Variants in DOCK4 observed in about 807,000 individuals in gnomAD.
The protein encoded by DOCK4 is dedicator of cytokinesis protein 4.
In DOCK4, 97 loss-of-function variants were observed where a neutral mutation model predicts 268.1. The observed-to-expected ratio is 0.36, with a 90% CI of 0.31 to 0.43. The LOEUF (loss-of-function observed/expected upper bound fraction) is 0.43. DOCK4 is among the 20% of genes least tolerant of loss of function. DOCK4 has a pLI of 1.00. For synonymous variants in DOCK4, 954 were observed against 887.2 expected, an observed-to-expected ratio of 1.08 and a Z score of -1.34; for missense variants, 2,145 against 2,455.7, an observed-to-expected ratio of 0.87 and a Z score of 2.67.
At chr7:112,090,626 T>C (rs1023451509) in intron 1 of DOCK4, among the ~76,000 whole-genome samples, 2 of 152,204 alleles carry the variant, frequency 1.3e-5, no homozygotes, top group Non-Finnish European at 2.9e-5. Flanking sequence ...AGGTTAAATA[T>C]ACAAGCTCAT....
intron 1 of DOCK4, among the ~76,000 whole-genome samples, chr7:112,079,117 A>C (rs966457245): frequency 6.6e-6 from 1 of 152,192 alleles, no homozygotes. Context: ...ACAGAGCGAG[A>C]CTCTGTCTCA....
At chr7:112,144,959 T>C (rs185846871) in intron 1 of DOCK4, among the ~76,000 whole-genome samples, 1 of 152,156 alleles carries the variant, frequency 6.6e-6, no homozygotes, top group African/African-American at 2.4e-5. Flanking sequence ...TGAAACACTC[T>C]TGCTTGTTAG....
chr7:111,773,815 G>A (rs779938132), intron 36 of DOCK4, among the ~76,000 whole-genome samples: 2 of 151,558 alleles, frequency 1.3e-5, no homozygotes, highest in Non-Finnish European at 2.9e-5. Context: ...TTAGGAGTTC[G>A]AGACTAGCCT....
rs757210815 is a variant in DOCK4 at position 111,727,261 on chromosome 7, C to G, written c.*1013G>C. On this transcript the variant is annotated 3_prime_UTR_variant, in exon 53 of 53. Coordinates refer to ENST00000428084, the MANE Select transcript of DOCK4 (RefSeq NM_001363540.2). ...AACTCCACTGGTAAAAGTGGAGAGTCGTGAGGAATTTTTTATTTTGTGCAG... is the reference window on the plus strand; with the variant it reads ...AACTCCACTGGTAAAAGTGGAGAGTGGTGAGGAATTTTTTATTTTGTGCAG... 4 of 152,582 alleles carry G rather than the reference C, an allele frequency of 2.6e-5. No homozygotes were observed. Among genetic ancestry groups the G allele is most frequent in the African/African-American group, 9.7e-5 (4 of 41,410 alleles). 9.5% of individuals were successfully genotyped at this position (152,582 alleles called of 1,614,324 possible). A position where few individuals can be genotyped will look rare whatever the true frequency, so the allele number is the denominator to read the frequency against.
rs1293550396 is a variant in DOCK4, at chr7:111,822,412, G to A, written c.2880C>T (p.Arg960=). ...TCCAGTCCTTTGGAAACATCTCCGG[G>A]CGTATCAATATTCGGAACACAGTAA... The part of the protein sequence containing the change: ...QIFTVFRILI[R]PEMFPKDWTV... The change falls in exon 27 of 53, where the codon CGC becomes CGT. Residue 960 remains arginine (R), a synonymous_variant. Coordinates refer to ENST00000428084, the MANE Select transcript of DOCK4 (RefSeq NM_001363540.2). The A allele has an allele frequency of 9.9e-6, 16 of 1,613,568 alleles. No homozygotes were observed. Among genetic ancestry groups the A allele is most frequent in the Non-Finnish European group, 1.4e-5 (16 of 1,179,742 alleles).
intron 1 of DOCK4, among the ~76,000 whole-genome samples, chr7:112,079,069 G>T (rs1808351277): frequency 1.3e-5 from 2 of 152,194 alleles, no homozygotes; most frequent in Admixed American, 6.5e-5. Flanking sequence ...AAAGATTGCA[G>T]TGAGCTGAGA....
At chr7:111,962,898 C>T (rs1402896241) in intron 8 of DOCK4, among the ~76,000 whole-genome samples, 3 of 152,088 alleles carry the variant, frequency 2.0e-5, no homozygotes, top group Non-Finnish European at 4.4e-5. Context: ...CGGGATAACA[C>T]TTTTTCCAGA....
At chr7:111,767,232 T>A in intron 37 of DOCK4, 114 bp from the exon 38 acceptor site, 3 of 762,102 alleles carry the variant, frequency 3.9e-6, no homozygotes, top group Non-Finnish European at 6.1e-6. Context: ...TTAATCTTTT[T>A]TTTTTTTTTT....
chr7:111,995,488 T>A (rs1799887637), intron 4 of DOCK4, among the ~76,000 whole-genome samples: 1 of 151,082 alleles, frequency 6.6e-6, no homozygotes, highest in East Asian at 2.0e-4. Flanking sequence ...TTAGTGGCTA[T>A]TACTACCACT....
intron 36 of DOCK4, among the ~76,000 whole-genome samples, chr7:111,773,175 A>C (rs533969846): frequency 6.6e-6 from 1 of 152,328 alleles, no homozygotes; most frequent in East Asian, 1.9e-4. Context: ...AATAAGAGAG[A>C]AGAGTAGAGA....
intron 1 of DOCK4, among the ~76,000 whole-genome samples, chr7:112,182,358 T>A (rs892495561): frequency 2.6e-5 from 4 of 152,226 alleles, no homozygotes; most frequent in African/African-American, 9.6e-5. Flanking sequence ...CTCCATGATG[T>A]AATATTTTTT....
Position 111,774,271 on chromosome 7 carries a change from C to T in DOCK4, c.3679+4005G>A, listed in dbSNP as rs1164138599. On this transcript the variant is annotated intron_variant, in intron 36 of 52. Transcript: ENST00000428084. ...CCTGAGGCCAGAAGTTCGAGATCAG[C>T]CTGGCCAACGTGGTGAAACCCCGTC... is the stretch of plus-strand genomic sequence containing the variant. Among the ~76,000 whole-genome samples the T allele has an allele frequency of 3.3e-5, 5 of 152,100 alleles. No homozygotes were observed. The East Asian group carries it at 5.8e-4, about 18-fold the overall frequency.
intron 22 of DOCK4, among the ~76,000 whole-genome samples, chr7:111,866,194 G>C (rs1018776670): frequency 1.3e-5 from 2 of 152,206 alleles, no homozygotes; most frequent in Non-Finnish European, 2.9e-5. Flanking sequence ...TCTGCAAAGA[G>C]AGCATGGGAT....
intron 7 of DOCK4, among the ~76,000 whole-genome samples, chr7:111,983,293 G>C (rs940441346): frequency 3.9e-5 from 6 of 152,110 alleles, no homozygotes; most frequent in Non-Finnish European, 7.4e-5. Flanking sequence ...ATAATCTTCA[G>C]GTTAAGAATA....
chr7:111,848,404 T>C (rs2134100261), intron 23 of DOCK4, among the ~76,000 whole-genome samples: 1 of 152,350 alleles, frequency 6.6e-6, no homozygotes, highest in South Asian at 2.1e-4. Context: ...TACTGCCACC[T>C]TGAAATTCTT....
rs1795208494 is a variant in DOCK4, at chr7:111,733,003, C to T, written c.5420-716G>A. On this transcript the variant is annotated intron_variant, in intron 51 of 52. Coordinates refer to ENST00000428084, the MANE Select transcript of DOCK4 (RefSeq NM_001363540.2). ...TGATAGCACTGTTCCTGTGTGCATG[C>T]TTGTATAGCAAATCCAGCTCTCTAA... 2.0e-5 allele frequency among the ~76,000 whole-genome samples: 3 copies of T among 152,212 alleles called. No individual in the cohort carries two copies. The South Asian group carries it at 6.2e-4, about 31-fold the overall frequency.
At position 111,954,853 on chromosome 7, in the gene DOCK4, CA is replaced by C. The variant is rs373806183; in HGVS notation, c.702-9056del. On this transcript the variant is annotated intron_variant, in intron 8 of 52. Coordinates refer to ENST00000428084, the MANE Select transcript of DOCK4 (RefSeq NM_001363540.2). Reference sequence around the variant, plus strand: ...CGTGCTCTCAGGGTTCGAACCGATACAAAGAGCCTCGCACCAACCTGATTGT... The same window carrying C: ...CGTGCTCTCAGGGTTCGAACCGATACAAGAGCCTCGCACCAACCTGATTGT... Among the ~76,000 whole-genome samples the C allele has an allele frequency of 6.8e-3, 1,029 of 152,242 alleles. 14 individuals carry two copies. The highest frequency in any genetic ancestry group is 0.024 in the African/African-American group (995 of 41,532).
At chr7:111,958,559 C>G (rs906267429) in intron 8 of DOCK4, among the ~76,000 whole-genome samples, 1 of 152,134 alleles carries the variant, frequency 6.6e-6, no homozygotes, top group African/African-American at 2.4e-5. Context: ...ACCTTCTGGT[C>G]ACTTTCTAAA....
chr7:111,984,226 A>G (rs946290131), intron 7 of DOCK4, 80 bp downstream of exon 7: 2 of 1,271,948 alleles, frequency 1.6e-6, no homozygotes, highest in Non-Finnish European at 2.2e-6. Flanking sequence ...CTGTTCTTAC[A>G]AAATCAAGCA....
Sources: gnomAD v4.1 joint callset for allele counts (sites outside exome capture counted in the v4.1 genomes callset) on GRCh38, gnomAD v4.1.1 for gene constraint, MANE v1.5 for transcripts, NCBI Gene and HGNC (gene_info 2026-07-23, HGNC 2026-07-21) for gene names.